CRACD: variants seen among roughly 807,000 people sequenced by gnomAD.
CRACD encodes the protein capping protein inhibiting regulator of actin dynamics.
In CRACD, 56 loss-of-function variants were observed where a neutral mutation model predicts 106.8. The ratio of observed to expected loss-of-function variants is 0.52; its 90% confidence interval spans 0.42 to 0.66. The LOEUF (loss-of-function observed/expected upper bound fraction) is 0.66, where lower values mean the gene tolerates loss of function less well. Among genes scored for constraint, CRACD ranks in the 30% least tolerant of loss-of-function variants. CRACD has a pLI of 0.00. For missense variants in CRACD, 1,730 were observed against 1,623.2 expected (o/e 1.07, Z -1.13); for synonymous variants, 754 against 670.8 (o/e 1.12, Z -1.92).
At chr4:56,214,681 C>T (rs7669424) in intron 2 of CRACD, among the ~76,000 whole-genome samples, 5 of 80,966 alleles carry the variant, frequency 6.2e-5, no homozygotes, top group Non-Finnish European at 1.3e-4. Context: ...CTCTCTCTCT[C>T]TATATATATA....
chr4:56,067,567 A>G (rs1399387520), intron 1 of CRACD, among the ~76,000 whole-genome samples: 1 of 152,052 alleles, frequency 6.6e-6, no homozygotes, highest in Non-Finnish European at 1.5e-5. Flanking sequence ...TTGCATGACA[A>G]GTTCTCTCCC....
chr4:56,263,792 C>G (rs1049692767), intron 2 of CRACD, among the ~76,000 whole-genome samples: 4 of 152,114 alleles, frequency 2.6e-5, no homozygotes, highest in African/African-American at 7.2e-5. Flanking sequence ...CACACAGAAG[C>G]TGGAGGAAGG....
At chr4:56,153,880 C>G (rs541104805) in intron 1 of CRACD, among the ~76,000 whole-genome samples, 1 of 152,350 alleles carries the variant, frequency 6.6e-6, no homozygotes, top group African/African-American at 2.4e-5. Flanking sequence ...GCCCCCTACT[C>G]AGATGGGTCT....
At chr4:56,275,601 C>G (rs1742631176) in intron 3 of CRACD, among the ~76,000 whole-genome samples, 1 of 152,148 alleles carries the variant, frequency 6.6e-6, no homozygotes, top group Non-Finnish European at 1.5e-5. Flanking sequence ...AATTATTTGC[C>G]TTATTTACAG....
At chr4:56,260,625 A>G (rs1741639295) in intron 2 of CRACD, among the ~76,000 whole-genome samples, 1 of 152,212 alleles carries the variant, frequency 6.6e-6, no homozygotes, top group Non-Finnish European at 1.5e-5. Flanking sequence ...ACTTTAAGTA[A>G]GGGAGATTAC....
chr4:56,284,292 T>TAAA (rs59270238), intron 3 of CRACD, among the ~76,000 whole-genome samples: 2,376 of 45,434 alleles, frequency 0.052, 419 homozygotes, highest in African/African-American at 0.086. Context: ...CATCCTAAAG[T>TAAA]AAAAAAAAAA....
intron 3 of CRACD, among the ~76,000 whole-genome samples, chr4:56,285,222 A>G (rs916746846): frequency 2.6e-4 from 40 of 152,234 alleles, no homozygotes; most frequent in African/African-American, 8.7e-4. Flanking sequence ...CCATGATCCA[A>G]TCACCTCCCA....
chr4:56,181,926 C>T (rs915868543), intron 2 of CRACD, among the ~76,000 whole-genome samples: 29 of 152,326 alleles, frequency 1.9e-4, no homozygotes, highest in African/African-American at 6.3e-4. Context: ...TTCAGTGGTA[C>T]TGCAGGGTCA....
intron 1 of CRACD, among the ~76,000 whole-genome samples, chr4:56,127,794 C>A (rs1734706669): frequency 6.6e-6 from 1 of 152,126 alleles, no homozygotes; most frequent in African/African-American, 2.4e-5. Flanking sequence ...TGTGTGGTTT[C>A]CTGCAGAGAC....
intron 1 of CRACD, among the ~76,000 whole-genome samples, chr4:56,098,420 A>T (rs1733664931): frequency 6.6e-6 from 1 of 152,224 alleles, no homozygotes; most frequent in Admixed American, 6.5e-5. Flanking sequence ...CATTTACACT[A>T]CTTCGGGAAA....
At chr4:56,086,019 A>C (rs1733207304) in intron 1 of CRACD, among the ~76,000 whole-genome samples, 1 of 152,012 alleles carries the variant, frequency 6.6e-6, no homozygotes, top group African/African-American at 2.4e-5. Context: ...CATTCGTAGC[A>C]CTCCCCAGAT....
At chr4:56,280,025 C>G (rs898998347) in intron 3 of CRACD, among the ~76,000 whole-genome samples, 4 of 151,288 alleles carry the variant, frequency 2.6e-5, no homozygotes, top group Non-Finnish European at 1.5e-5. Flanking sequence ...CCATCATTCT[C>G]AGCAAACTAT....
chr4:56,315,159 G>A lies in CRACD; in HGVS notation c.1657G>A (p.Val553Ile), dbSNP rs775288788. 2.9e-5 allele frequency: 46 copies of A among 1,604,258 alleles called. No homozygotes were observed. Among genetic ancestry groups the A allele is most frequent in the Non-Finnish European group, 3.6e-5 (42 of 1,176,184 alleles). The change falls in exon 8 of 11, where the codon GTC (valine) becomes ATC (isoleucine). Residue 553 changes from valine (V) to isoleucine (I), a missense_variant. Val to Ile is a conservative substitution (Grantham distance 29). Transcript: ENST00000682029. The surrounding 1 kb of genome is among the most constrained non-coding windows in gnomAD (Gnocchi z 4.1). ...AGGGAAGCAGATTCTCTTTCCCAAAGTCAACCTGAGCCCCGTGACGCCCGC... is the reference window on the plus strand; with the variant it reads ...AGGGAAGCAGATTCTCTTTCCCAAAATCAACCTGAGCCCCGTGACGCCCGC... ...SGGKQILFPK[V>I]NLSPVTPAKD...
At chr4:56,093,913 G>A (rs968338974) in intron 1 of CRACD, among the ~76,000 whole-genome samples, 1 of 152,184 alleles carries the variant, frequency 6.6e-6, no homozygotes, top group African/African-American at 2.4e-5. Context: ...ACCAGGGCTG[G>A]CAGTTTCTGG....
intron 3 of CRACD, among the ~76,000 whole-genome samples, chr4:56,287,576 C>T (rs558612340): frequency 1.8e-4 from 27 of 152,130 alleles, no homozygotes; most frequent in African/African-American, 5.5e-4. Flanking sequence ...CCACTGTGCC[C>T]GGCGAACCTG....
chr4:56,307,404 T>C, intron 4 of CRACD, 131 bp from the exon 5 acceptor site: 1 of 685,916 alleles, frequency 1.5e-6, no homozygotes, highest in Non-Finnish European at 2.4e-6. Context: ...TTTCCTGGCA[T>C]GGTGTTGAGT....
chr4:56,070,572 C>G (rs550200296), intron 1 of CRACD, among the ~76,000 whole-genome samples: 142 of 152,222 alleles, frequency 9.3e-4, no homozygotes, highest in African/African-American at 3.2e-3. Flanking sequence ...CAGGCGTGAG[C>G]CACCTTGCCC....
chr4:56,087,009 A>C (rs1163758410), intron 1 of CRACD, among the ~76,000 whole-genome samples: 3 of 151,420 alleles, frequency 2.0e-5, no homozygotes, highest in Non-Finnish European at 4.4e-5. Flanking sequence ...AGTACTAGGG[A>C]TTTTGTCTTT....
intron 1 of CRACD, among the ~76,000 whole-genome samples, chr4:56,052,615 A>G (rs1229314972): frequency 2.0e-5 from 3 of 152,180 alleles, no homozygotes; most frequent in Non-Finnish European, 2.9e-5. Flanking sequence ...TAAGTAGTCT[A>G]TTTATATATG....
Sources: allele counts gnomAD v4.1 joint callset (sites outside exome capture counted in the v4.1 genomes callset), GRCh38; gene constraint gnomAD v4.1.1; non-coding constraint Gnocchi (gnomAD v3.1); transcripts MANE v1.5; gene names NCBI Gene and HGNC (gene_info 2026-07-23, HGNC 2026-07-21).